Variants in PARD3B observed in about 807,000 individuals in gnomAD.
PARD3B encodes the protein par-3 family cell polarity regulator beta, also known as partitioning defective 3 homolog B.
In PARD3B, 103 loss-of-function variants were observed where a neutral mutation model predicts 130.2. That is an observed-to-expected ratio of 0.79 (90% confidence interval 0.67 to 0.93). The LOEUF is 0.93. Ranked by LOEUF, PARD3B falls within the 40% of genes least tolerant of loss-of-function variation. The pLI is 0.00. For synonymous variants in PARD3B, 583 were observed against 553.2 expected, an observed-to-expected ratio of 1.05 and a Z score of -0.76; for missense variants, 1,609 against 1,499.2, an observed-to-expected ratio of 1.07 and a Z score of -1.21.
chr2:205,454,987 T>C (rs2048223642), intron 20 of PARD3B, among the ~76,000 whole-genome samples: 1 of 152,096 alleles, frequency 6.6e-6, no homozygotes. Flanking sequence ...ATATACAACA[T>C]TTATATTAAT....
At chr2:205,083,476 A>T (rs1443823669) in intron 4 of PARD3B, among the ~76,000 whole-genome samples, 1 of 152,032 alleles carries the variant, frequency 6.6e-6, no homozygotes, top group Admixed American at 6.5e-5. Flanking sequence ...AGGGCCAATT[A>T]TGGTTTTAAA....
intron 4 of PARD3B, among the ~76,000 whole-genome samples, chr2:205,072,743 T>C (rs1700818875): frequency 6.6e-6 from 1 of 152,190 alleles, no homozygotes; most frequent in African/African-American, 2.4e-5. Context: ...ATTTACTGTT[T>C]AAAAAATAAT....
chr2:205,249,008 T>TTTTTG (rs1553648516), intron 16 of PARD3B, among the ~76,000 whole-genome samples: 1 of 65,612 alleles, frequency 1.5e-5, no homozygotes, highest in African/African-American at 1.0e-4. Context: ...AAATAAGAGT[T>TTTTTG]TTTTTTTTTT....
intron 2 of PARD3B, among the ~76,000 whole-genome samples, chr2:204,913,466 C>T (rs2047324124): frequency 6.6e-6 from 1 of 152,182 alleles, no homozygotes; most frequent in Non-Finnish European, 1.5e-5. Flanking sequence ...CCCAAATGAG[C>T]TGTAGTACCG....
chr2:204,872,400 T>G (rs2045664699), intron 2 of PARD3B, among the ~76,000 whole-genome samples: 1 of 152,222 alleles, frequency 6.6e-6, no homozygotes, highest in African/African-American at 2.4e-5. Context: ...ATCTTCAGTT[T>G]CCCTGTATAT....
chr2:204,966,108 G>A (rs184682622), intron 3 of PARD3B, among the ~76,000 whole-genome samples: 17 of 152,296 alleles, frequency 1.1e-4, no homozygotes, highest in Admixed American at 9.1e-4. Context: ...ATTCCACTTT[G>A]CAAAGGTCAG....
intron 21 of PARD3B, among the ~76,000 whole-genome samples, chr2:205,522,698 A>G (rs2051131961): frequency 6.6e-6 from 1 of 152,170 alleles, no homozygotes; most frequent in South Asian, 2.1e-4. Flanking sequence ...TATGCATACC[A>G]TATTTCCTTA....
At chr2:204,572,249 T>G (rs1198730931) in intron 1 of PARD3B, among the ~76,000 whole-genome samples, 3 of 152,090 alleles carry the variant, frequency 2.0e-5, no homozygotes, top group African/African-American at 4.8e-5. Context: ...GTGCCTGGCC[T>G]CCACATCTAG....
At chr2:205,349,852 T>G (rs2043933980) in intron 18 of PARD3B, among the ~76,000 whole-genome samples, 1 of 146,572 alleles carries the variant, frequency 6.8e-6, no homozygotes. Flanking sequence ...AGGAGAGTGA[T>G]ATTGTGTTTC....
At chr2:205,029,053 C>A (rs1301486932) in intron 3 of PARD3B, among the ~76,000 whole-genome samples, 1 of 152,032 alleles carries the variant, frequency 6.6e-6, no homozygotes, top group Non-Finnish European at 1.5e-5. Context: ...GTGCTAAAAT[C>A]TGATTTATTT....
At position 205,321,597 on chromosome 2, in the gene PARD3B, T is replaced by G. The variant is rs1387450880; in HGVS notation, c.2630+19896T>G. On this transcript the variant is annotated intron_variant, in intron 18 of 22. Transcript: ENST00000406610. This position sits in a 1 kb window ranked among gnomAD's most constrained non-coding sequence, Gnocchi z 4.2. ...AACTTGATGTCTTTTTATCCTTAAGTGTACTTTGAAGCTAGGACTATCACT... is the reference window on the plus strand; with the variant it reads ...AACTTGATGTCTTTTTATCCTTAAGGGTACTTTGAAGCTAGGACTATCACT... Among the ~76,000 whole-genome samples, 1 of 152,196 alleles carries G rather than the reference T, an allele frequency of 6.6e-6. No individual in the cohort carries two copies. The highest frequency in any genetic ancestry group is 1.5e-5 in the Non-Finnish European group (1 of 68,028).
At chr2:204,880,355 C>T (rs894728243) in intron 2 of PARD3B, among the ~76,000 whole-genome samples, 2 of 152,004 alleles carry the variant, frequency 1.3e-5, no homozygotes, top group Non-Finnish European at 1.5e-5. Flanking sequence ...CATATATGTA[C>T]ATGCAGTTTG....
chr2:205,588,548 G>A (rs1046071083), intron 22 of PARD3B, among the ~76,000 whole-genome samples: 11 of 151,718 alleles, frequency 7.3e-5, no homozygotes, highest in Non-Finnish European at 1.0e-4. Flanking sequence ...CATATCTTCT[G>A]TAGAGTTATA....
intron 2 of PARD3B, among the ~76,000 whole-genome samples, chr2:204,727,627 C>G (rs1360374168): frequency 6.6e-6 from 1 of 152,146 alleles, no homozygotes; most frequent in Non-Finnish European, 1.5e-5. Context: ...GAAACAGGCA[C>G]TCCGAGGGAG....
chr2:204,895,382 G>A (rs1284149066), intron 2 of PARD3B, among the ~76,000 whole-genome samples: 1 of 151,816 alleles, frequency 6.6e-6, no homozygotes, highest in Non-Finnish European at 1.5e-5. Flanking sequence ...GCATTACCTA[G>A]CCCTTTAAAA....
intron 2 of PARD3B, among the ~76,000 whole-genome samples, chr2:204,727,961 G>C (rs1452387707): frequency 1.3e-5 from 2 of 152,132 alleles, no homozygotes; most frequent in Non-Finnish European, 2.9e-5. Flanking sequence ...TTGCAAAAGG[G>C]AGAGGCAGCA....
chr2:204,983,253 A>G (rs956722373), intron 3 of PARD3B, among the ~76,000 whole-genome samples: 1 of 152,136 alleles, frequency 6.6e-6, no homozygotes, highest in East Asian at 1.9e-4. Context: ...TTCATTCTCA[A>G]AAAAATTGGT....
chr2:204,901,451 G>A (rs1341378779), intron 2 of PARD3B, among the ~76,000 whole-genome samples: 2 of 151,862 alleles, frequency 1.3e-5, no homozygotes, highest in African/African-American at 2.4e-5. Flanking sequence ...GTCAGCTTAT[G>A]GTAAATGCTA....
chr2:204,968,568 A>T (rs1228067526), intron 3 of PARD3B, among the ~76,000 whole-genome samples: 1 of 152,200 alleles, frequency 6.6e-6, no homozygotes, highest in Non-Finnish European at 1.5e-5. Context: ...ACCACTTGCC[A>T]TTCCAAATTT....
Sources: allele counts gnomAD v4.1 joint callset (sites outside exome capture counted in the v4.1 genomes callset), GRCh38; gene constraint gnomAD v4.1.1; non-coding constraint Gnocchi (gnomAD v3.1); transcripts MANE v1.5; gene names NCBI Gene and HGNC (gene_info 2026-07-23, HGNC 2026-07-21).